The following PRTFDC1 variants were observed in gnomAD, a reference collection of about 807,000 sequenced individuals.
The protein encoded by PRTFDC1 is phosphoribosyl transferase domain containing 1.
In PRTFDC1, 38 loss-of-function variants were observed where a neutral mutation model predicts 34.6. That is an observed-to-expected ratio of 1.10 (90% CI 0.85 to 1.44). PRTFDC1 has a LOEUF of 1.44. Among genes scored for constraint, PRTFDC1 ranks in the 40% most tolerant of loss-of-function variants. The pLI is 0.00. For synonymous variants in PRTFDC1, 93 were observed against 98.1 expected (o/e 0.95, Z 0.31); for missense variants, 270 against 283.0 (o/e 0.95, Z 0.33).
chr10:24,942,617 C>T (rs1212595521), intron 1 of PRTFDC1, among the ~76,000 whole-genome samples, 181 bp from the exon 2 acceptor site: 1 of 152,144 alleles, frequency 6.6e-6, no homozygotes, highest in African/African-American at 2.4e-5. Context: ...GCACTCCATT[C>T]CCAACTATTG....
At chr10:24,854,750 G>T (rs1162373469) in intron 7 of PRTFDC1, among the ~76,000 whole-genome samples, 1 of 152,144 alleles carries the variant, frequency 6.6e-6, no homozygotes, top group African/African-American at 2.4e-5. Context: ...TACCTGCTCT[G>T]CTAATTCTCT....
chr10:24,926,762 C>G (rs1430163071), intron 3 of PRTFDC1, among the ~76,000 whole-genome samples: 2 of 152,198 alleles, frequency 1.3e-5, no homozygotes, highest in Non-Finnish European at 2.9e-5. Flanking sequence ...GGTCCTGTTC[C>G]TGGTCCTGGA....
chr10:24,873,700 G>C lies in PRTFDC1; in HGVS notation c.340-1637C>G, dbSNP rs567053474. Among the ~76,000 whole-genome samples the C allele has an allele frequency of 2.0e-5, 3 of 152,150 alleles. No homozygotes were observed. The East Asian group carries it at 5.8e-4, about 29-fold the overall frequency. On this transcript the variant is annotated intron_variant, in intron 3 of 8. Transcript: ENST00000320152. Reference sequence around the variant, plus strand: ...CCAGCTACTCAAGCCAATTCCCTTAGGAATTTTCTTGGGCTGGTTTGAATT... The same window carrying C: ...CCAGCTACTCAAGCCAATTCCCTTACGAATTTTCTTGGGCTGGTTTGAATT...
intron 8 of PRTFDC1, among the ~76,000 whole-genome samples, chr10:24,850,706 G>A (rs891889098): frequency 3.9e-5 from 6 of 152,076 alleles, no homozygotes; most frequent in Non-Finnish European, 7.4e-5. Context: ...AGGATGAGCT[G>A]GGCAATGAAG....
intron 3 of PRTFDC1, among the ~76,000 whole-genome samples, chr10:24,872,792 A>G (rs533994469): frequency 4.2e-5 from 5 of 119,370 alleles, no homozygotes; most frequent in African/African-American, 1.5e-4. Context: ...GTGTGTGTAT[A>G]TATATATATA....
chr10:24,882,524 T>C (rs931154341), intron 3 of PRTFDC1, among the ~76,000 whole-genome samples: 1 of 152,228 alleles, frequency 6.6e-6, no homozygotes, highest in Non-Finnish European at 1.5e-5. Context: ...TTAATGCTTC[T>C]TCCCCACCCA....
rs184925025 is a variant in PRTFDC1 at position 24,868,909 on chromosome 10, G to A, written c.405+3089C>T. Among the ~76,000 whole-genome samples, 46 of 150,392 alleles carry A rather than the reference G, an allele frequency of 3.1e-4. 1 individual carries two copies. The highest frequency in any genetic ancestry group is 2.3e-3 in the East Asian group (12 of 5,116). ...CTTATTTTTTAAATTTTATTTTTTC[G>A]TTGATACACAATGTTTTATGTATTT... On this transcript the variant is annotated intron_variant, in intron 4 of 8. Coordinates refer to ENST00000320152, the MANE Select transcript of PRTFDC1 (RefSeq NM_020200.7).
intron 6 of PRTFDC1, among the ~76,000 whole-genome samples, chr10:24,855,616 G>A (rs1847559610): frequency 6.6e-6 from 1 of 151,864 alleles, no homozygotes; most frequent in African/African-American, 2.4e-5. Flanking sequence ...AACATAGCGA[G>A]ACCCCTGTCT....
chr10:24,893,579 C>T (rs56928079), intron 3 of PRTFDC1, among the ~76,000 whole-genome samples: 2 of 152,074 alleles, frequency 1.3e-5, no homozygotes, highest in Admixed American at 6.6e-5. Flanking sequence ...TACAGTGCTG[C>T]AACAACAGGA....
intron 1 of PRTFDC1, chr10:24,951,744 T>A: frequency 3.0e-6 from 1 of 327,976 alleles, no homozygotes; most frequent in Non-Finnish European, 4.4e-6. Flanking sequence ...GGCCACAAGG[T>A]CAAGAACGGG....
chr10:24,898,463 C>CAAAAA (rs36004025), intron 3 of PRTFDC1, among the ~76,000 whole-genome samples: 3 of 98,106 alleles, frequency 3.1e-5, no homozygotes, highest in East Asian at 3.4e-4. Context: ...GACCCTGTCT[C>CAAAAA]AAAAAAAAAA....
intron 3 of PRTFDC1, among the ~76,000 whole-genome samples, chr10:24,921,608 C>T (rs1848789626): frequency 6.6e-6 from 1 of 151,810 alleles, no homozygotes; most frequent in Non-Finnish European, 1.5e-5. Flanking sequence ...CTGTGGGGGC[C>T]CTTGACGTAC....
At chr10:24,904,387 G>A (rs1304559158) in intron 3 of PRTFDC1, among the ~76,000 whole-genome samples, 1 of 152,138 alleles carries the variant, frequency 6.6e-6, no homozygotes, top group Non-Finnish European at 1.5e-5. Context: ...TCACATTAAT[G>A]TATATCTTTA....
At position 24,942,411 on chromosome 10, in the gene PRTFDC1, T is replaced by A; in HGVS notation, c.74A>T (p.Asp25Val). Residue 25 changes from aspartate to valine, a missense_variant, in exon 2 of 9, where the codon GAC (aspartate) becomes GTC (valine). Transcript: ENST00000320152. ...VVIMDDWPGY[D>V]LNLFTYPQHY... ...CTGTGGGTACGTGAATAAATTCAAG[T>A]CATACCCTGGCCAATCATCCATAAT... 1 of 1,613,746 alleles carries A rather than the reference T, an allele frequency of 6.2e-7. No homozygotes were observed.
At chr10:24,924,383 A>G (rs2132588305) in intron 3 of PRTFDC1, among the ~76,000 whole-genome samples, 1 of 152,340 alleles carries the variant, frequency 6.6e-6, no homozygotes, top group Middle Eastern at 3.4e-3. Context: ...GAAGGAAAAA[A>G]TGTTAAGGGC....
chr10:24,886,022 T>C (rs1848158397), intron 3 of PRTFDC1, among the ~76,000 whole-genome samples: 2 of 152,138 alleles, frequency 1.3e-5, no homozygotes, highest in African/African-American at 4.8e-5. Context: ...CACAGGATTT[T>C]CAGGGCAGTG....
At chr10:24,942,189 A>G (rs1849170157) in intron 2 of PRTFDC1, 141 bp downstream of exon 2, 1 of 622,356 alleles carries the variant, frequency 1.6e-6, no homozygotes, top group Non-Finnish European at 2.9e-6. Context: ...TTTTATTCCA[A>G]ATTCACTGCC....
intron 3 of PRTFDC1, among the ~76,000 whole-genome samples, chr10:24,929,913 A>G (rs1171528441): frequency 6.6e-6 from 1 of 152,144 alleles, no homozygotes; most frequent in African/African-American, 2.4e-5. Flanking sequence ...CTTTCTCAAA[A>G]CACACTAAAT....
At chr10:24,849,977 T>C (rs1260976220) in intron 8 of PRTFDC1, 86 bp from the exon 9 acceptor site, 13 of 1,222,822 alleles carry the variant, frequency 1.1e-5, no homozygotes, top group Non-Finnish European at 1.3e-5. Context: ...CCGAATGCCA[T>C]CCTGTAATTG....
Sources: allele counts gnomAD v4.1 joint callset (sites outside exome capture counted in the v4.1 genomes callset), GRCh38; gene constraint gnomAD v4.1.1; transcripts MANE v1.5; gene names NCBI Gene and HGNC (gene_info 2026-07-23, HGNC 2026-07-21).